The following CSMD1 variants were observed in gnomAD, a reference collection of about 807,000 sequenced individuals.
CSMD1 encodes CUB and Sushi multiple domains 1, also known as CUB and sushi domain-containing protein 1.
In CSMD1, 213 loss-of-function variants were observed where a neutral mutation model predicts 417.5. The observed-to-expected ratio is 0.51, with a 90% CI of 0.46 to 0.57. The LOEUF is 0.57. CSMD1 is among the 20% of genes least tolerant of loss of function. CSMD1 has a pLI of 0.00. For synonymous variants in CSMD1, 2,862 were observed against 1,736.8 expected (o/e 1.65, Z -16.11); for missense variants, 6,923 against 4,529.7 (o/e 1.53, Z -15.17).
intron 8 of CSMD1, among the ~76,000 whole-genome samples, chr8:3,606,652 G>C (rs903270771): frequency 4.0e-5 from 6 of 151,460 alleles, no homozygotes; most frequent in Admixed American, 2.6e-4. Context: ...ATTTATTAAT[G>C]CTTTTCTTTC....
At chr8:3,662,037 G>A (rs1340590478) in intron 7 of CSMD1, among the ~76,000 whole-genome samples, 1 of 152,118 alleles carries the variant, frequency 6.6e-6, no homozygotes, top group Admixed American at 6.6e-5. Flanking sequence ...ACTCGAAGTC[G>A]TAGAAAACAT....
chr8:4,238,020 T>C lies in CSMD1; in HGVS notation c.415+181933A>G, dbSNP rs575952416. On this transcript the variant is annotated intron_variant, in intron 3 of 69. Coordinates refer to ENST00000635120, the MANE Select transcript of CSMD1 (RefSeq NM_033225.6). ...GGCCTACTGGGCGGGACGAACCACA[T>C]CATGTGCTTTCCAGCACGTTGCTTA... is the stretch of plus-strand genomic sequence containing the variant. Among the ~76,000 whole-genome samples, 30 of 152,226 alleles carry C rather than the reference T, an allele frequency of 2.0e-4. 1 individual carries two copies. Among genetic ancestry groups the C allele is most frequent in the Admixed American group, 1.6e-3 (24 of 15,288 alleles).
chr8:4,128,387 A>T (rs1039783260), intron 3 of CSMD1, among the ~76,000 whole-genome samples: 5 of 152,186 alleles, frequency 3.3e-5, no homozygotes, highest in African/African-American at 1.2e-4. Context: ...AGTACCTTCG[A>T]TTTGGAACTA....
intron 12 of CSMD1, among the ~76,000 whole-genome samples, chr8:3,443,054 A>G (rs1326466024): frequency 6.6e-6 from 1 of 152,210 alleles, no homozygotes; most frequent in East Asian, 1.9e-4. Context: ...ATGAGTTTGT[A>G]TATGTGACTA....
rs369667923 is a variant in CSMD1 at position 3,110,318 on chromosome 8, C to T, written c.6448G>A (p.Val2150Ile). 2.0e-5 allele frequency: 32 copies of T among 1,610,664 alleles called. No individual in the cohort carries two copies. The highest frequency in any genetic ancestry group is 6.7e-5 in the Admixed American group (4 of 59,492). ...TAGATGGTGCCGTTCTGAGAAGTTA[C>T]GTTGTACCCACAAGGGGCTGCAAAG... ...PRCDAPCGYN[V>I]TSQNGTIYSP... The change falls in exon 43 of 70, where the codon GTA (valine) becomes ATA (isoleucine). Residue 2150 changes from valine to isoleucine, a missense_variant. Val to Ile is a conservative substitution (Grantham distance 29). Coordinates refer to ENST00000635120, the MANE Select transcript of CSMD1 (RefSeq NM_033225.6).
chr8:4,282,557 G>C (rs1055250134), intron 3 of CSMD1, among the ~76,000 whole-genome samples: 4 of 152,120 alleles, frequency 2.6e-5, no homozygotes, highest in African/African-American at 9.7e-5. Flanking sequence ...TTTCTATGCA[G>C]CACCATAAAA....
At chr8:3,621,594 CTTT>C (rs909495788) in intron 7 of CSMD1, among the ~76,000 whole-genome samples, 1 of 151,608 alleles carries the variant, frequency 6.6e-6, no homozygotes, top group African/African-American at 2.4e-5. Flanking sequence ...TCTTTTCTTA[CTTT>C]TTTTTCTTTT....
At chr8:3,325,104 C>T (rs963048692) in intron 23 of CSMD1, among the ~76,000 whole-genome samples, 1 of 152,040 alleles carries the variant, frequency 6.6e-6, no homozygotes, top group African/African-American at 2.4e-5. Context: ...TTTCTTTTAA[C>T]GACATCATTA....
Position 4,421,527 on chromosome 8 carries a change from T to C in CSMD1, c.303-1462A>G, listed in dbSNP as rs575579958. On this transcript the variant is annotated intron_variant, in intron 2 of 69. Transcript: ENST00000635120. ...GGAATCAAATTAGAAATCAGTAAGA[T>C]AAAAATGACAGAAAAATATCTAATT... Among the ~76,000 whole-genome samples, 8 of 151,940 alleles carry C rather than the reference T, an allele frequency of 5.3e-5. No homozygotes were observed. In the East Asian group the frequency reaches 9.7e-4, roughly 18 times the overall value.
intron 23 of CSMD1, among the ~76,000 whole-genome samples, chr8:3,328,847 C>G (rs1213916741): frequency 6.6e-6 from 1 of 152,136 alleles, no homozygotes; most frequent in Non-Finnish European, 1.5e-5. Flanking sequence ...AAATAAAAGG[C>G]ACTAAACTCT....
intron 7 of CSMD1, among the ~76,000 whole-genome samples, chr8:3,688,291 A>G (rs1488071453): frequency 6.6e-6 from 1 of 152,244 alleles, no homozygotes; most frequent in African/African-American, 2.4e-5. Context: ...GGACTATAAT[A>G]GAGGTGTAAA....
chr8:3,203,437 A>G (rs1259570811), intron 31 of CSMD1, among the ~76,000 whole-genome samples: 1 of 152,208 alleles, frequency 6.6e-6, no homozygotes, highest in Admixed American at 6.5e-5. Context: ...ACAAAGGGTT[A>G]TGGGGCTTCA....
intron 6 of CSMD1, among the ~76,000 whole-genome samples, chr8:3,735,175 T>C (rs1002488595): frequency 2.0e-5 from 3 of 152,212 alleles, no homozygotes; most frequent in African/African-American, 7.2e-5. Context: ...ATATTTCCCT[T>C]GATCAGGCAC....
chr8:2,981,495 C>G (rs1805423228), intron 54 of CSMD1, among the ~76,000 whole-genome samples: 1 of 152,234 alleles, frequency 6.6e-6, no homozygotes, highest in South Asian at 2.1e-4. Flanking sequence ...GAGGCTCACT[C>G]TAGACGGCTG....
chr8:4,057,384 G>GTT (rs200799412), intron 3 of CSMD1, among the ~76,000 whole-genome samples: 1 of 151,926 alleles, frequency 6.6e-6, no homozygotes, highest in Non-Finnish European at 1.5e-5. Flanking sequence ...GGGGTTATTT[G>GTT]TTTTTTTCTT....
At chr8:3,452,695 G>T (rs1422361790) in intron 12 of CSMD1, among the ~76,000 whole-genome samples, 1 of 152,172 alleles carries the variant, frequency 6.6e-6, no homozygotes, top group Non-Finnish European at 1.5e-5. Flanking sequence ...TAAGGTTTTT[G>T]ATGTGCTTCT....
chr8:3,552,513 G>A (rs983416517), intron 10 of CSMD1, among the ~76,000 whole-genome samples: 2 of 152,168 alleles, frequency 1.3e-5, no homozygotes, highest in African/African-American at 4.8e-5. Flanking sequence ...CATTGCTAAA[G>A]AGACTCAAAA....
At chr8:4,068,914 T>C (rs1263830151) in intron 3 of CSMD1, among the ~76,000 whole-genome samples, 1 of 152,224 alleles carries the variant, frequency 6.6e-6, no homozygotes, top group African/African-American at 2.4e-5. Context: ...AACCAAATAA[T>C]AATTATAATT....
At chr8:3,229,919 G>C (rs1384479861) in intron 27 of CSMD1, 121 bp downstream of exon 27, 1 of 706,556 alleles carries the variant, frequency 1.4e-6, no homozygotes, top group South Asian at 2.7e-5. Context: ...CAGAGAGCCA[G>C]AGAACATGAA....
Sources: allele counts gnomAD v4.1 joint callset (sites outside exome capture counted in the v4.1 genomes callset), GRCh38; gene constraint gnomAD v4.1.1; transcripts MANE v1.5; gene names NCBI Gene and HGNC (gene_info 2026-07-23, HGNC 2026-07-21).